Variants in DAB1 observed in about 807,000 individuals in gnomAD.
The protein encoded by DAB1 is DAB adaptor protein 1, also known as disabled homolog 1.
In DAB1, 15 loss-of-function variants were observed where a neutral mutation model predicts 64.6. The ratio of observed to expected loss-of-function variants is 0.23; its 90% CI spans 0.16 to 0.36. DAB1 has a LOEUF of 0.36. Among genes scored for constraint, DAB1 ranks in the 10% least tolerant of loss-of-function variants. The pLI is 1.00. For missense variants in DAB1, 596 were observed against 706.7 expected (o/e 0.84, Z 1.78); for synonymous variants, 235 against 251.9 (o/e 0.93, Z 0.64).
At chr1:58,038,921 G>A (rs1013799162) in intron 5 of DAB1, among the ~76,000 whole-genome samples, 1 of 152,088 alleles carries the variant, frequency 6.6e-6, no homozygotes, top group Non-Finnish European at 1.5e-5. Flanking sequence ...ATCCCTCAAT[G>A]GAGACCATCA....
intron 1 of DAB1, among the ~76,000 whole-genome samples, chr1:57,882,549 A>C (rs1182213369): frequency 2.6e-5 from 4 of 152,210 alleles, no homozygotes; most frequent in African/African-American, 9.6e-5. Flanking sequence ...GCTTTTGTAC[A>C]TAATAGGTGC....
chr1:58,025,651 G>GTATATATATATATATATATA (rs763787466), intron 5 of DAB1, among the ~76,000 whole-genome samples: 1 of 75,292 alleles, frequency 1.3e-5, no homozygotes, highest in African/African-American at 4.0e-5. Flanking sequence ...ATATATGTGT[G>GTATATATATATATATATATA]TATATATATA....
chr1:58,415,845 C>T (rs1455214969), intron 3 of DAB1, among the ~76,000 whole-genome samples: 15 of 152,184 alleles, frequency 9.9e-5, no homozygotes, highest in African/African-American at 3.6e-4. Flanking sequence ...CTCAGCTCTG[C>T]CACCAACTGA....
intron 5 of DAB1, among the ~76,000 whole-genome samples, chr1:58,117,211 C>A (rs1652391525): frequency 6.6e-6 from 1 of 152,178 alleles, no homozygotes; most frequent in Non-Finnish European, 1.5e-5. Context: ...AGAGGCTTCC[C>A]TGCCTACCAA....
chr1:57,069,316 T>C (rs190776756), intron 8 of DAB1, 44 bp downstream of exon 8: 530 of 1,438,068 alleles, frequency 3.7e-4, no homozygotes, highest in South Asian at 1.4e-3. Flanking sequence ...TTTATGCATG[T>C]ACTAGTAGTG....
At chr1:57,023,987 T>C (rs1646704474) in intron 10 of DAB1, among the ~76,000 whole-genome samples, 1 of 152,140 alleles carries the variant, frequency 6.6e-6, no homozygotes, top group South Asian at 2.1e-4. Context: ...AGGTATCAAA[T>C]TTTCCATAAT....
intron 2 of DAB1, among the ~76,000 whole-genome samples, chr1:57,251,585 A>T (rs1403200832): frequency 1.3e-5 from 2 of 152,220 alleles, no homozygotes; most frequent in Non-Finnish European, 2.9e-5. Context: ...AGAGGCAAAA[A>T]GAGACATCAT....
At chr1:57,126,920 C>T (rs1657176725) in intron 4 of DAB1, among the ~76,000 whole-genome samples, 1 of 152,174 alleles carries the variant, frequency 6.6e-6, no homozygotes, top group African/African-American at 2.4e-5. Flanking sequence ...CTCACTTTGA[C>T]CCAGTCCCTT....
chr1:57,607,935 G>C (rs2101597165), intron 7 of DAB1, among the ~76,000 whole-genome samples: 1 of 152,284 alleles, frequency 6.6e-6, no homozygotes, highest in African/African-American at 2.4e-5. Context: ...CAGAACCACA[G>C]AGGGGTCAGC....
chr1:57,658,432 T>C (rs1646343728), intron 6 of DAB1, among the ~76,000 whole-genome samples: 1 of 150,918 alleles, frequency 6.6e-6, no homozygotes, highest in Non-Finnish European at 1.5e-5. Flanking sequence ...GCCTCTGGAG[T>C]AGCTGGGACT....
chr1:58,324,765 C>T (rs1662782436), intron 4 of DAB1, among the ~76,000 whole-genome samples: 1 of 152,200 alleles, frequency 6.6e-6, no homozygotes, highest in South Asian at 2.1e-4. Context: ...GGTGTGTTGC[C>T]TGTGCACGCT....
intron 4 of DAB1, among the ~76,000 whole-genome samples, chr1:58,168,562 C>T (rs1655989929): frequency 6.6e-6 from 1 of 152,070 alleles, no homozygotes; most frequent in African/African-American, 2.4e-5. Context: ...CTATTCCCTT[C>T]TTTAGGTACA....
intron 1 of DAB1, chr1:58,536,723 C>G (rs141632709): frequency 5.0e-5 from 44 of 872,528 alleles, no homozygotes; most frequent in Non-Finnish European, 7.8e-5. Context: ...GAAGTGCCTG[C>G]CACCATTTCC....
At chr1:58,002,397 A>G (rs561195586) in intron 5 of DAB1, among the ~76,000 whole-genome samples, 2 of 152,296 alleles carry the variant, frequency 1.3e-5, no homozygotes, top group East Asian at 1.9e-4. Flanking sequence ...AGTTAATTCT[A>G]TAGTTCTTAA....
At chr1:58,259,056 T>A (rs1378591357) in intron 4 of DAB1, among the ~76,000 whole-genome samples, 1 of 152,212 alleles carries the variant, frequency 6.6e-6, no homozygotes, top group Non-Finnish European at 1.5e-5. Flanking sequence ...TTTACAGGAT[T>A]AAAATTTTAC....
At chr1:58,405,060 T>C (rs1324318131) in intron 3 of DAB1, among the ~76,000 whole-genome samples, 1 of 152,164 alleles carries the variant, frequency 6.6e-6, no homozygotes, top group Non-Finnish European at 1.5e-5. Flanking sequence ...CACTTCAGGA[T>C]CATTTCCTGC....
intron 5 of DAB1, among the ~76,000 whole-genome samples, chr1:58,012,146 A>C (rs1421069553): frequency 6.6e-6 from 1 of 152,196 alleles, no homozygotes; most frequent in Non-Finnish European, 1.5e-5. Flanking sequence ...CTGGCATGAG[A>C]AGGACTGACC....
intron 6 of DAB1, among the ~76,000 whole-genome samples, chr1:57,736,930 T>C (rs1647718019): frequency 6.6e-6 from 1 of 152,102 alleles, no homozygotes; most frequent in African/African-American, 2.4e-5. Context: ...AACCTAGGTG[T>C]GGACAGGCAA....
At chr1:58,334,996 A>C (rs1441996431) in intron 4 of DAB1, among the ~76,000 whole-genome samples, 1 of 152,206 alleles carries the variant, frequency 6.6e-6, no homozygotes, top group East Asian at 1.9e-4. Flanking sequence ...CTTATGGGTA[A>C]GGCAGAGAAC....
Sources: allele counts gnomAD v4.1 joint callset (sites outside exome capture counted in the v4.1 genomes callset), GRCh38; gene constraint gnomAD v4.1.1; transcripts MANE v1.5; gene names NCBI Gene and HGNC (gene_info 2026-07-23, HGNC 2026-07-21).